The following FTO variants were observed in gnomAD, a reference collection of about 807,000 sequenced individuals.
The protein encoded by FTO is alpha-ketoglutarate-dependent dioxygenase FTO.
In FTO, 47 loss-of-function variants were observed where a neutral mutation model predicts 63.9. The observed-to-expected ratio is 0.74, with a 90% CI of 0.58 to 0.94. FTO has a LOEUF of 0.94. Among genes scored for constraint, FTO ranks in the 40% least tolerant of loss-of-function variants. FTO has a pLI of 0.00. For missense variants in FTO, 562 were observed against 618.1 expected, an observed-to-expected ratio of 0.91 and a Z score of 0.96; for synonymous variants, 207 against 224.4, an observed-to-expected ratio of 0.92 and a Z score of 0.69.
At chr16:54,099,087 GAC>G (rs1207875238) in intron 8 of FTO, among the ~76,000 whole-genome samples, 1 of 152,148 alleles carries the variant, frequency 6.6e-6, no homozygotes, top group Non-Finnish European at 1.5e-5. Flanking sequence ...GTTCTGTGGT[GAC>G]AGAGGACAGC....
chr16:53,997,631 G>A (rs1047208227), intron 8 of FTO, among the ~76,000 whole-genome samples: 8 of 152,052 alleles, frequency 5.3e-5, no homozygotes, highest in Non-Finnish European at 1.0e-4. Flanking sequence ...GTGTTATAAG[G>A]CAGAGAGGTA....
intron 8 of FTO, among the ~76,000 whole-genome samples, chr16:54,039,045 C>T (rs1274418906): frequency 6.6e-6 from 1 of 152,156 alleles, no homozygotes; most frequent in African/African-American, 2.4e-5. Context: ...AGGTGGGCGG[C>T]CTCCTGTTAA....
Position 53,934,030 on chromosome 16 carries a change from G to A in FTO, c.1285G>A (p.Glu429Lys). The part of the protein sequence containing the change: ...HEVKREGLPV[E>K]QRNEILTAIL... ...AGTTAAAAGAGAGGGGCTCCCCGTG[G>A]AACAAAGGAATGAAATCTTGACTGC... The change falls in exon 8 of 9, where the codon GAA becomes AAA. Residue 429 changes from glutamate to lysine, a missense_variant. Coordinates refer to ENST00000471389, the MANE Select transcript of FTO (RefSeq NM_001080432.3). 1 of 1,614,060 alleles carries A rather than the reference G, an allele frequency of 6.2e-7. No individual in the cohort carries two copies. The highest frequency in any genetic ancestry group is 8.5e-7 in the Non-Finnish European group (1 of 1,179,940).
upstream of FTO, chr16:53,704,139 AG>A (rs1413623568): frequency 1.9e-6 from 3 of 1,544,876 alleles, no homozygotes; most frequent in Admixed American, 5.9e-5. Context: ...GTCCAGGGCG[AG>A]GGATCTACGC....
intron 1 of FTO, among the ~76,000 whole-genome samples, chr16:53,738,840 TA>T (rs1041381311): frequency 2.0e-5 from 3 of 152,086 alleles, no homozygotes; most frequent in Non-Finnish European, 2.9e-5. Flanking sequence ...ATTGCCTATT[TA>T]AAAAAAATTT....
chr16:53,990,655 TTTTTATTTTA>T (rs142836988), intron 8 of FTO, among the ~76,000 whole-genome samples: 12 of 144,644 alleles, frequency 8.3e-5, no homozygotes, highest in East Asian at 7.9e-4. Flanking sequence ...TTTCCTTTTC[TTTTTATTTTA>T]TTTTATTTTA....
At chr16:53,742,150 C>G (rs1016558861) in intron 1 of FTO, among the ~76,000 whole-genome samples, 1 of 152,064 alleles carries the variant, frequency 6.6e-6, no homozygotes, top group Non-Finnish European at 1.5e-5. Context: ...CCAGCCTATA[C>G]TGAAGGGGAG....
chr16:53,832,289 T>G (rs544249050), intron 3 of FTO, among the ~76,000 whole-genome samples: 6 of 152,340 alleles, frequency 3.9e-5, no homozygotes, highest in African/African-American at 1.4e-4. Context: ...ATTGAACATT[T>G]ATAGTTTTAT....
chr16:53,723,973 C>T (rs1010317835), intron 1 of FTO, among the ~76,000 whole-genome samples: 2 of 152,076 alleles, frequency 1.3e-5, no homozygotes, highest in South Asian at 2.1e-4. Context: ...AAGTTCTTGC[C>T]GAATCATACA....
chr16:54,116,306 CTG>C lies in FTO; in HGVS notation c.*4393_*4394del, dbSNP rs1388165131. Reference sequence around the variant, plus strand: ...ATTTGGATCCATGCCACGCTAAAAACTGTTTATTTTGGAGATCTGTCAGAGGC... The same window carrying C: ...ATTTGGATCCATGCCACGCTAAAAACTTTATTTTGGAGATCTGTCAGAGGC... On this transcript the variant is annotated 3_prime_UTR_variant, in exon 9 of 9. Coordinates refer to ENST00000471389, the MANE Select transcript of FTO (RefSeq NM_001080432.3). 1 of 151,740 alleles carries C rather than the reference CTG, an allele frequency of 6.6e-6. No homozygotes were observed. Among genetic ancestry groups the C allele is most frequent in the Non-Finnish European group, 1.5e-5 (1 of 67,990 alleles). The allele number at this position is 151,740 out of a possible 1,614,324, so 9.4% of individuals were successfully genotyped here. A position where few individuals can be genotyped will look rare whatever the true frequency, so the allele number is the denominator to read the frequency against.
At chr16:53,989,257 G>A (rs1475945874) in intron 8 of FTO, among the ~76,000 whole-genome samples, 1 of 152,186 alleles carries the variant, frequency 6.6e-6, no homozygotes, top group Non-Finnish European at 1.5e-5. Context: ...TGAACAGGGA[G>A]TTGGAGGAAA....
intron 1 of FTO, among the ~76,000 whole-genome samples, chr16:53,762,949 G>C (rs1054512192): frequency 2.0e-5 from 3 of 146,438 alleles, no homozygotes; most frequent in Non-Finnish European, 4.5e-5. Flanking sequence ...GTAATAAATA[G>C]AGATTTGAAG....
intron 8 of FTO, among the ~76,000 whole-genome samples, chr16:54,061,328 C>A (rs900330310): frequency 6.6e-6 from 1 of 152,214 alleles, no homozygotes; most frequent in Non-Finnish European, 1.5e-5. Context: ...TGCTAACTTT[C>A]AGACTTCATT....
At position 54,114,553 on chromosome 16, in the gene FTO, C is replaced by T. The variant is rs973970226; in HGVS notation, c.*2638C>T. 3 of 152,154 alleles carry T rather than the reference C, an allele frequency of 2.0e-5. No individual in the cohort carries two copies. Among genetic ancestry groups the T allele is most frequent in the African/African-American group, 7.2e-5 (3 of 41,432 alleles). 9.4% of individuals were successfully genotyped at this position (152,154 alleles called of 1,614,324 possible). A position where few individuals can be genotyped will look rare whatever the true frequency, so the allele number is the denominator to read the frequency against. On this transcript the variant is annotated 3_prime_UTR_variant, in exon 9 of 9. Coordinates refer to ENST00000471389, the MANE Select transcript of FTO (RefSeq NM_001080432.3). ...CCCAGGTGGAATTAGTTCTCAAAGTCCTCCAGGTGGAGTCAGGGAATGTGC... is the reference window on the plus strand; with the variant it reads ...CCCAGGTGGAATTAGTTCTCAAAGTTCTCCAGGTGGAGTCAGGGAATGTGC...
chr16:53,769,121 A>G (rs552280014), intron 1 of FTO, among the ~76,000 whole-genome samples: 1 of 152,320 alleles, frequency 6.6e-6, no homozygotes, highest in Non-Finnish European at 1.5e-5. Context: ...GTCTTGAGTT[A>G]GCTGAAGTTC....
At chr16:53,891,319 T>TA (rs942098749) in intron 7 of FTO, among the ~76,000 whole-genome samples, 6 of 148,992 alleles carry the variant, frequency 4.0e-5, no homozygotes, top group Non-Finnish European at 5.9e-5. Flanking sequence ...AAAACCAAAT[T>TA]AAAAAAAAAT....
intron 8 of FTO, among the ~76,000 whole-genome samples, chr16:53,936,092 C>G (rs2082384647): frequency 6.6e-6 from 1 of 152,178 alleles, no homozygotes; most frequent in South Asian, 2.1e-4. Flanking sequence ...GTCAAAGTGG[C>G]CTGTTTAAAA....
chr16:54,009,035 A>G (rs766307526), intron 8 of FTO, among the ~76,000 whole-genome samples: 1 of 151,790 alleles, frequency 6.6e-6, no homozygotes, highest in Admixed American at 6.6e-5. Context: ...AAGTCTAGCA[A>G]CTTGAGTGTG....
intron 3 of FTO, among the ~76,000 whole-genome samples, chr16:53,836,043 A>G (rs2079282398): frequency 6.6e-6 from 1 of 152,072 alleles, no homozygotes; most frequent in East Asian, 1.9e-4. Context: ...GGCGCGGGCC[A>G]CCATGCCCAG....
Sources: allele counts gnomAD v4.1 joint callset (sites outside exome capture counted in the v4.1 genomes callset), GRCh38; gene constraint gnomAD v4.1.1; transcripts MANE v1.5; gene names NCBI Gene and HGNC (gene_info 2026-07-23, HGNC 2026-07-21).